CCZ1B: variants seen among roughly 807,000 people sequenced by gnomAD.
CCZ1B encodes CCZ1B vacuolar protein trafficking and biogenesis associated, also known as vacuolar fusion protein CCZ1 homolog B.
CCZ1B carries 25 observed loss-of-function variants against 58.8 expected under a neutral mutation model. The observed-to-expected ratio is 0.43, with a 90% CI of 0.31 to 0.59. The LOEUF is 0.59. Ranked by LOEUF, CCZ1B falls within the 20% of genes least tolerant of loss-of-function variation. CCZ1B has a pLI of 0.12. For synonymous variants in CCZ1B, 66 were observed against 173.2 expected, an observed-to-expected ratio of 0.38 and a Z score of 4.86; for missense variants, 180 against 501.5, an observed-to-expected ratio of 0.36 and a Z score of 6.12.
intron 8 of CCZ1B, chr7:6,814,524 A>C (rs1321331721): frequency 1.0e-5 from 4 of 382,164 alleles, no homozygotes; most frequent in East Asian, 3.7e-5. Context: ...AACACACACA[A>C]AAAAACCAAC....
chr7:6,812,261 G>C (rs12538084), intron 9 of CCZ1B, 198 bp from the exon 10 acceptor site: 139,546 of 542,556 alleles, frequency 0.26, 19,517 homozygotes, highest in South Asian at 0.37. Context: ...GGCTGAGCTG[G>C]GTGGATCACC....
At chr7:6,823,138 G>A (rs1583558091) in intron 5 of CCZ1B, among the ~76,000 whole-genome samples, 175 bp downstream of exon 5, 1 of 148,994 alleles carries the variant, frequency 6.7e-6, no homozygotes, top group Admixed American at 6.7e-5. Flanking sequence ...AATACTTACT[G>A]AATAAATGTA....
intron 5 of CCZ1B, among the ~76,000 whole-genome samples, chr7:6,822,916 G>C (rs1389778275): frequency 6.9e-6 from 1 of 145,766 alleles, no homozygotes. Context: ...ATATTGCCCA[G>C]ACTGGTCCTG....
intron 7 of CCZ1B, among the ~76,000 whole-genome samples, chr7:6,816,505 A>G (rs1467240297): frequency 6.7e-6 from 1 of 150,318 alleles, no homozygotes. Flanking sequence ...AATCAAAGCA[A>G]TATACTAAGT....
chr7:6,809,628 G>C (rs1782888403), intron 10 of CCZ1B, among the ~76,000 whole-genome samples: 1 of 124,648 alleles, frequency 8.0e-6, no homozygotes, highest in Non-Finnish European at 1.6e-5. Context: ...CAACATTTTG[G>C]TTTGCTTTTT....
At chr7:6,804,111 A>G (rs1219726261) in intron 12 of CCZ1B, among the ~76,000 whole-genome samples, 2 of 151,022 alleles carry the variant, frequency 1.3e-5, no homozygotes, top group Non-Finnish European at 2.9e-5. Context: ...TCACTTTATA[A>G]TAACTATTTT....
At chr7:6,816,837 C>CAA (rs1439301622) in intron 7 of CCZ1B, among the ~76,000 whole-genome samples, 1 of 151,758 alleles carries the variant, frequency 6.6e-6, no homozygotes, top group Non-Finnish European at 1.5e-5. Context: ...ACTGCAACCT[C>CAA]AAACTTCCAG....
At chr7:6,825,069 C>T (rs1342790097) in intron 1 of CCZ1B, among the ~76,000 whole-genome samples, 4 of 150,440 alleles carry the variant, frequency 2.7e-5, no homozygotes, top group Admixed American at 6.6e-5. Flanking sequence ...GAAGTCACAT[C>T]TGAAGTAGCA....
At chr7:6,818,415 G>GGCA (rs1290558984) in intron 7 of CCZ1B, among the ~76,000 whole-genome samples, 1 of 149,224 alleles carries the variant, frequency 6.7e-6, no homozygotes, top group Non-Finnish European at 1.5e-5. Flanking sequence ...CGGGCATGGT[G>GGCA]GCATATGCCT....
chr7:6,808,464 C>T (rs1237355030), intron 10 of CCZ1B, among the ~76,000 whole-genome samples: 2 of 149,384 alleles, frequency 1.3e-5, no homozygotes, highest in Non-Finnish European at 3.0e-5. Flanking sequence ...AATAGAAGGA[C>T]TCCTGGTCCT....
chr7:6,808,384 CAAA>C (rs766038650), intron 10 of CCZ1B, among the ~76,000 whole-genome samples: 2 of 94,614 alleles, frequency 2.1e-5, no homozygotes, highest in East Asian at 3.1e-4. Flanking sequence ...ACCAAAAAAC[CAAA>C]AAAAAAAAAA....
chr7:6,801,997 C>T (rs149686079), intron 12 of CCZ1B, among the ~76,000 whole-genome samples: 1 of 111,848 alleles, frequency 8.9e-6, no homozygotes, highest in Non-Finnish European at 1.8e-5. Flanking sequence ...CTACATATAG[C>T]CCGTGACATC....
Position 6,813,559 on chromosome 7 carries a change from T to C in CCZ1B, c.781-522A>G, listed in dbSNP as rs575149945. On this transcript the variant is annotated intron_variant, in intron 8 of 14. Transcript: ENST00000316731. ...GAGACCTCATCTCTTAAAAAAAATA[T>C]TGGAGAGCGGGAGGACAAGAGGGAG... Among the ~76,000 whole-genome samples the C allele has an allele frequency of 2.7e-5, 4 of 149,068 alleles. 1 individual carries two copies. The highest frequency in any genetic ancestry group is 2.1e-4 in the South Asian group (1 of 4,696).
At chr7:6,817,244 CCA>C (rs1462782162) in intron 7 of CCZ1B, among the ~76,000 whole-genome samples, 1 of 151,474 alleles carries the variant, frequency 6.6e-6, no homozygotes, top group Non-Finnish European at 1.5e-5. Flanking sequence ...GAGCTGGGCG[CCA>C]GATTGTCCTG....
chr7:6,823,525 T>G (rs1002509441), intron 4 of CCZ1B, among the ~76,000 whole-genome samples, 165 bp from the exon 5 acceptor site: 3 of 141,446 alleles, frequency 2.1e-5, no homozygotes, highest in Non-Finnish European at 4.6e-5. Flanking sequence ...CTTTTTTTTT[T>G]TTTTTTTTTT....
rs746949124 is a variant in CCZ1B at position 6,819,775 on chromosome 7, T to G, written c.689A>C (p.Gln230Pro). 16 of 1,523,906 alleles carry G rather than the reference T, an allele frequency of 1.0e-5. 1 individual carries two copies. Among genetic ancestry groups the G allele is most frequent in the Non-Finnish European group, 1.4e-5 (16 of 1,115,828 alleles). 94.4% of individuals were successfully genotyped at this position (1,523,906 alleles called of 1,614,324 possible). The change falls in exon 7 of 15, where the codon CAG becomes CCG. Residue 230 changes from glutamine to proline, a missense_variant. By Grantham distance (76) the Gln-to-Pro change is moderately conservative. Transcript: ENST00000316731. ...VKYTAFLYNDQLIWSGLEQDD... is the reference protein window; with the variant it reads ...VKYTAFLYNDPLIWSGLEQDD... ...CTCGGGGTGTACCTACCAGATGAGC[T>G]GATCGTTATAGAGAAAAGCAGTGTA...
At chr7:6,810,426 T>C (rs1583550935) in intron 10 of CCZ1B, among the ~76,000 whole-genome samples, 1 of 149,236 alleles carries the variant, frequency 6.7e-6, no homozygotes, top group Non-Finnish European at 1.5e-5. Context: ...TGTCACATAA[T>C]GTCTGGTGCT....
intron 6 of CCZ1B, 70 bp downstream of exon 6, chr7:6,822,211 G>T: frequency 7.1e-6 from 11 of 1,548,462 alleles, no homozygotes; most frequent in Admixed American, 2.2e-5. Context: ...AAACAAACTT[G>T]TCTGTCTATA....
intron 10 of CCZ1B, among the ~76,000 whole-genome samples, chr7:6,807,463 T>C: frequency 7.4e-6 from 1 of 134,746 alleles, no homozygotes; most frequent in Admixed American, 8.9e-5. Context: ...AGTTGTTCTC[T>C]GAAAAGACCC....
Sources: gnomAD v4.1 joint callset for allele counts (sites outside exome capture counted in the v4.1 genomes callset) on GRCh38, gnomAD v4.1.1 for gene constraint, MANE v1.5 for transcripts, NCBI Gene and HGNC (gene_info 2026-07-23, HGNC 2026-07-21) for gene names.